Variants in CELF2 observed in about 807,000 individuals in gnomAD.
CELF2 encodes CUG triplet repeat RNA-binding protein 2.
Under a neutral mutation model 62.6 loss-of-function variants are expected in CELF2, and 8 were observed. The ratio of observed to expected loss-of-function variants is 0.13; its 90% CI spans 0.07 to 0.23. The LOEUF is 0.23. Among genes scored for constraint, CELF2 ranks in the 10% least tolerant of loss-of-function variants. The probability of loss-of-function intolerance (pLI) is 1.00; values close to 1 mark genes in which losing one functional copy is unlikely to be tolerated. For missense variants in CELF2, 333 were observed against 671.0 expected (o/e 0.50, Z 5.56); for synonymous variants, 258 against 250.0 (o/e 1.03, Z -0.30).
chr10:10,718,103 A>T, the CELF2 span, among the ~76,000 whole-genome samples: 1 of 152,294 alleles, frequency 6.6e-6, no homozygotes, highest in East Asian at 1.9e-4. Flanking sequence ...TGAAATCTTA[A>T]AAGGATGAAG....
At chr10:11,143,254 C>G (rs1015793340) in intron 1 of CELF2, among the ~76,000 whole-genome samples, 5 of 152,204 alleles carry the variant, frequency 3.3e-5, no homozygotes, top group Non-Finnish European at 7.3e-5. Context: ...CTTCTGTCAC[C>G]TTTTCACAGT....
the CELF2 span, among the ~76,000 whole-genome samples, chr10:10,742,894 C>T: frequency 1.1e-4 from 16 of 152,268 alleles, no homozygotes; most frequent in East Asian, 3.9e-4. Context: ...AGGAGAAATT[C>T]GTGTTATGTT....
chr10:10,523,207 T>G, the CELF2 span, among the ~76,000 whole-genome samples: 5 of 152,200 alleles, frequency 3.3e-5, no homozygotes, highest in African/African-American at 1.2e-4. Context: ...TTTCTCTTGA[T>G]AAGCTCCACA....
intron 4 of CELF2, among the ~76,000 whole-genome samples, chr10:11,253,619 T>C (rs1355542974): frequency 6.6e-6 from 1 of 152,198 alleles, no homozygotes; most frequent in African/African-American, 2.4e-5. Flanking sequence ...CTTTGACAGA[T>C]TGTACACGCG....
intron 1 of CELF2, among the ~76,000 whole-genome samples, chr10:11,027,782 C>A (rs2059464626): frequency 6.6e-6 from 1 of 152,196 alleles, no homozygotes; most frequent in Non-Finnish European, 1.5e-5. Context: ...CTAATCTGTT[C>A]CATGCCTACT....
the CELF2 span, among the ~76,000 whole-genome samples, chr10:10,652,973 T>C: frequency 2.4e-4 from 36 of 152,146 alleles, no homozygotes; most frequent in Admixed American, 1.4e-3. Context: ...AGGAAACCCA[T>C]CTCATGTGCA....
At chr10:10,723,212 C>T in the CELF2 span, among the ~76,000 whole-genome samples, 3 of 152,040 alleles carry the variant, frequency 2.0e-5, no homozygotes, top group Non-Finnish European at 2.9e-5. Context: ...GTGGTGGTGT[C>T]GTTGTTGTTT....
intron 1 of CELF2, among the ~76,000 whole-genome samples, chr10:11,105,998 G>A (rs2053343795): frequency 6.6e-6 from 1 of 152,176 alleles, no homozygotes; most frequent in Admixed American, 6.5e-5. Flanking sequence ...TATTCACTTG[G>A]CTCTTTTGAT....
intron 1 of CELF2, among the ~76,000 whole-genome samples, chr10:10,806,271 C>T (rs1300141355): frequency 1.4e-5 from 2 of 147,288 alleles, no homozygotes. Context: ...GTGGCGTGAT[C>T]TTGGTTCACT....
At chr10:11,096,076 A>G (rs2142188915) in intron 1 of CELF2, among the ~76,000 whole-genome samples, 1 of 152,344 alleles carries the variant, frequency 6.6e-6, no homozygotes, top group Admixed American at 6.5e-5. Context: ...AAAAACAAAC[A>G]AGTAGCCTCA....
intron 3 of CELF2, among the ~76,000 whole-genome samples, chr10:11,228,838 G>A (rs1474960753): frequency 1.3e-5 from 2 of 151,890 alleles, no homozygotes; most frequent in African/African-American, 4.8e-5. Flanking sequence ...TAAAAACTCT[G>A]CAGGTCACTG....
rs1266016822 is a variant in CELF2 at position 11,110,213 on chromosome 10, G to T, written c.75-55273G>T. On this transcript the variant is annotated intron_variant, in intron 1 of 12. Transcript: ENST00000633077. The surrounding 1 kb of genome is among the most constrained non-coding windows in gnomAD (Gnocchi z 4.0). ...CACTTGAGCCTGAGAGGTCAAGGCT[G>T]CATGGAACCCTGAACGTCCTACCGC... is the stretch of plus-strand genomic sequence containing the variant. Among the ~76,000 whole-genome samples, 1 of 152,126 alleles carries T rather than the reference G, an allele frequency of 6.6e-6. No individual in the cohort carries two copies. Among genetic ancestry groups the T allele is most frequent in the Non-Finnish European group, 1.5e-5 (1 of 68,022 alleles).
At chr10:10,944,834 C>G (rs1232863767) in intron 2 of CELF2, among the ~76,000 whole-genome samples, 1 of 152,144 alleles carries the variant, frequency 6.6e-6, no homozygotes, top group Non-Finnish European at 1.5e-5. Context: ...AACAACTGAA[C>G]TCAGGTGAGC....
At chr10:10,939,264 C>A (rs892657057) in intron 2 of CELF2, among the ~76,000 whole-genome samples, 2 of 115,540 alleles carry the variant, frequency 1.7e-5, no homozygotes, top group Admixed American at 1.0e-4. Flanking sequence ...TTAGCAAGTT[C>A]TTTTGTTTTG....
chr10:11,189,110 C>G (rs554287948), intron 2 of CELF2, among the ~76,000 whole-genome samples: 2 of 152,136 alleles, frequency 1.3e-5, no homozygotes, highest in Non-Finnish European at 2.9e-5. Context: ...CTCTCCTAGT[C>G]CTCTACCCAA....
the CELF2 span, among the ~76,000 whole-genome samples, chr10:10,681,901 A>C: frequency 6.6e-6 from 1 of 152,234 alleles, no homozygotes; most frequent in African/African-American, 2.4e-5. Context: ...AAACATAAAA[A>C]AGCTTACGTG....
chr10:10,648,437 A>G, the CELF2 span, among the ~76,000 whole-genome samples: 12 of 152,212 alleles, frequency 7.9e-5, no homozygotes, highest in African/African-American at 2.7e-4. Context: ...GGTATCAAAA[A>G]TGCTCTTTCA....
the CELF2 span, among the ~76,000 whole-genome samples, chr10:10,560,254 A>G: frequency 6.6e-6 from 1 of 152,214 alleles, no homozygotes. Flanking sequence ...AAAAGGAAAT[A>G]CAGGTAAGCA....
At chr10:10,730,373 A>T in the CELF2 span, among the ~76,000 whole-genome samples, 1 of 152,220 alleles carries the variant, frequency 6.6e-6, no homozygotes, top group Admixed American at 6.5e-5. Flanking sequence ...GCTACTTGGG[A>T]GGCTGAGGCA....
Sources: gnomAD v4.1 joint callset for allele counts (sites outside exome capture counted in the v4.1 genomes callset) on GRCh38, gnomAD v4.1.1 for gene constraint, Gnocchi (gnomAD v3.1) non-coding constraint, MANE v1.5 for transcripts, NCBI Gene and HGNC (gene_info 2026-07-23, HGNC 2026-07-21) for gene names.